The following NR1I2 variants were observed in gnomAD, a reference collection of about 807,000 sequenced individuals.
NR1I2 encodes the protein nuclear receptor subfamily 1 group I member 2, also known as orphan nuclear receptor PAR1.
Under a neutral mutation model 43.3 loss-of-function variants are expected in NR1I2, and 42 were observed. That is an observed-to-expected ratio of 0.97 (90% CI 0.76 to 1.26). NR1I2 has a LOEUF of 1.26. Ranked by LOEUF, NR1I2 falls within the 50% of genes most tolerant of loss-of-function variation. NR1I2 has a pLI of 0.00. For missense variants in NR1I2, 559 were observed against 566.7 expected (o/e 0.99, Z 0.14); for synonymous variants, 229 against 215.0 (o/e 1.06, Z -0.57).
intron 1 of NR1I2, among the ~76,000 whole-genome samples, chr3:119,784,009 G>T (rs2054812394): frequency 6.6e-6 from 1 of 152,078 alleles, no homozygotes; most frequent in Non-Finnish European, 1.5e-5. Flanking sequence ...CAATTTTTCA[G>T]TCTTACCAAT....
chr3:119,783,120 T>G (rs1394766546), intron 1 of NR1I2, among the ~76,000 whole-genome samples: 15 of 151,604 alleles, frequency 9.9e-5, no homozygotes, highest in Admixed American at 9.9e-4. Context: ...TGGTCAGAGT[T>G]GAAAGGATGC....
chr3:119,802,991 T>C, intron 1 of NR1I2: 1 of 456,358 alleles, frequency 2.2e-6, no homozygotes, highest in South Asian at 1.5e-5. Flanking sequence ...GGGGGGTGAT[T>C]GGGTCATGAG....
rs933896594 is a variant in NR1I2 at position 119,815,756 on chromosome 3, T to C, written c.1085T>C (p.Val362Ala). 2.5e-6 allele frequency: 4 copies of C among 1,613,744 alleles called. No individual in the cohort carries two copies. In the African/African-American group the frequency reaches 5.3e-5, roughly 22 times the overall value. The change falls in exon 8 of 9, where the codon GTG (valine) becomes GCG (alanine). Residue 362 changes from valine to alanine, a missense_variant. Val to Ala is a moderately conservative substitution (Grantham distance 64, BLOSUM62 0). Transcript: ENST00000393716. Reference sequence around the variant, plus strand: ...CCAGGTGTGCTGCAGCACCGCGTGGTGGACCAGCTGCAGGAGCAATTCGCC... The same window carrying C: ...CCAGGTGTGCTGCAGCACCGCGTGGCGGACCAGCTGCAGGAGCAATTCGCC...
chr3:119,813,143 T>C (rs2055268768), intron 5 of NR1I2, among the ~76,000 whole-genome samples, 183 bp downstream of exon 5: 1 of 152,148 alleles, frequency 6.6e-6, no homozygotes, highest in Admixed American at 6.5e-5. Context: ...TATGGCTGGT[T>C]AGTTTTGTGG....
chr3:119,791,799 A>T (rs2054922814), intron 1 of NR1I2: 1 of 475,650 alleles, frequency 2.1e-6, no homozygotes, highest in African/African-American at 2.0e-5. Context: ...AACAGGTGTG[A>T]GAGGGTTCAA....
intron 1 of NR1I2, among the ~76,000 whole-genome samples, chr3:119,790,554 C>T (rs998146611): frequency 7.9e-5 from 12 of 152,156 alleles, no homozygotes; most frequent in African/African-American, 2.7e-4. Flanking sequence ...TTGTCTACAG[C>T]CTTGCCAACA....
At chr3:119,803,761 C>CTT (rs577938453) in intron 1 of NR1I2, among the ~76,000 whole-genome samples, 4 of 145,528 alleles carry the variant, frequency 2.7e-5, no homozygotes, top group Admixed American at 1.4e-4. Flanking sequence ...TCTCAGTGTA[C>CTT]TTTTTTTTTT....
intron 1 of NR1I2, among the ~76,000 whole-genome samples, chr3:119,806,089 G>C (rs139998735): frequency 1.3e-5 from 2 of 152,130 alleles, no homozygotes; most frequent in Non-Finnish European, 1.5e-5. Context: ...TTTCGATTTT[G>C]GCATTAGAAA....
intron 8 of NR1I2, 28 bp from the exon 9 acceptor site, chr3:119,817,040 C>T: frequency 6.2e-7 from 1 of 1,614,064 alleles, no homozygotes; most frequent in Non-Finnish European, 8.5e-7. Flanking sequence ...GGGCTGCACC[C>T]ACAATCTTTT....
At chr3:119,792,143 C>A in intron 1 of NR1I2, 1 of 842,438 alleles carries the variant, frequency 1.2e-6, no homozygotes, top group Non-Finnish European at 2.1e-6. Flanking sequence ...GCATCTTCAC[C>A]AGGATCGGAG....
At chr3:119,784,158 C>T (rs2472670) in intron 1 of NR1I2, among the ~76,000 whole-genome samples, 109,756 of 152,178 alleles carry the variant, frequency 0.72, 42,258 homozygotes, top group East Asian at 1. Flanking sequence ...GTACCCGAAC[C>T]GACTGTACTC....
chr3:119,817,401 C>T lies in NR1I2; in HGVS notation c.*189C>T, dbSNP rs2055346107. ...GAAGGACATGGGTGCCCCCCACCCCCAGTTCAGTCTGTAGGGAGTGAAGCC... is the reference window on the plus strand; with the variant it reads ...GAAGGACATGGGTGCCCCCCACCCCTAGTTCAGTCTGTAGGGAGTGAAGCC... On this transcript the variant is annotated 3_prime_UTR_variant, in exon 9 of 9. Coordinates refer to ENST00000393716, the MANE Select transcript of NR1I2 (RefSeq NM_003889.4). The T allele has an allele frequency of 6.8e-7, 1 of 1,468,704 alleles. No individual in the cohort carries two copies. The allele number at this position is 1,468,704 out of a possible 1,614,324, so 91.0% of individuals were successfully genotyped here. A position where few individuals can be genotyped will look rare whatever the true frequency, so the allele number is the denominator to read the frequency against.
intron 1 of NR1I2, among the ~76,000 whole-genome samples, chr3:119,787,771 A>T (rs1026580424): frequency 5.1e-4 from 78 of 151,570 alleles, no homozygotes; most frequent in African/African-American, 1.8e-3. Context: ...GCGTGTGTGT[A>T]TATATATGTG....
intron 1 of NR1I2, among the ~76,000 whole-genome samples, chr3:119,805,169 G>A (rs548943626): frequency 9.2e-5 from 14 of 152,006 alleles, no homozygotes; most frequent in East Asian, 1.9e-4. Flanking sequence ...TCAACCTCTC[G>A]TACTGTTTAT....
rs1259522625 is a variant in NR1I2, at chr3:119,815,730, C to T, written c.1059C>T (p.Arg353=). The change falls in exon 8 of 9, where the codon CGC becomes CGT. Residue 353 remains arginine (R), a synonymous_variant. Coordinates refer to ENST00000393716, the MANE Select transcript of NR1I2 (RefSeq NM_003889.4). ...CCACACCTCCCTCCCCTCCAGACCG[C>T]CCAGGTGTGCTGCAGCACCGCGTGG... is the stretch of plus-strand genomic sequence containing the variant. 1 of 1,612,696 alleles carries T rather than the reference C, an allele frequency of 6.2e-7. No individual in the cohort carries two copies. Among genetic ancestry groups the T allele is most frequent in the Admixed American group, 1.7e-5 (1 of 59,842 alleles).
At chr3:119,798,921 T>C (rs2107959506) in intron 1 of NR1I2, among the ~76,000 whole-genome samples, 1 of 152,326 alleles carries the variant, frequency 6.6e-6, no homozygotes, top group East Asian at 1.9e-4. Flanking sequence ...TCCAGGTGCA[T>C]TCCACATTTT....
rs200626488 is a variant in NR1I2, at chr3:119,807,237, G to A, written c.-14G>A. ...GGTTTTCTCATTTCTAGTCCAAGAG[G>A]CCCAGAAGCAAACCTGGAGGTGAGA... is the stretch of plus-strand genomic sequence containing the variant. On this transcript the variant is annotated 5_prime_UTR_variant, in exon 2 of 9. Coordinates refer to ENST00000393716, the MANE Select transcript of NR1I2 (RefSeq NM_003889.4). 1.2e-6 allele frequency: 2 copies of A among 1,613,848 alleles called. No homozygotes were observed. Among genetic ancestry groups the A allele is most frequent in the East Asian group, 2.2e-5 (1 of 44,888 alleles).
intron 6 of NR1I2, 71 bp from the exon 7 acceptor site, chr3:119,815,252 A>ATTGG: frequency 6.4e-7 from 1 of 1,562,716 alleles, no homozygotes; most frequent in Non-Finnish European, 8.8e-7. Context: ...AAAACAAGAT[A>ATTGG]TTGGTGAGGG....
chr3:119,806,523 C>A (rs115056692), intron 1 of NR1I2, among the ~76,000 whole-genome samples: 1 of 152,000 alleles, frequency 6.6e-6, no homozygotes, highest in Admixed American at 6.6e-5. Flanking sequence ...TGGGCTCAAG[C>A]GATCCTCTTG....
Sources: gnomAD v4.1 joint callset for allele counts (sites outside exome capture counted in the v4.1 genomes callset) on GRCh38, gnomAD v4.1.1 for gene constraint, MANE v1.5 for transcripts, NCBI Gene and HGNC (gene_info 2026-07-23, HGNC 2026-07-21) for gene names.